B3GALT1: variants seen among roughly 807,000 people sequenced by gnomAD.
The protein encoded by B3GALT1 is beta-1,3-galactosyltransferase 1, also known as UDP-Gal:betaGlcNAc beta 1,3-galactosyltransferase, polypeptide 1.
B3GALT1 carries 10 observed loss-of-function variants against 23.2 expected under a neutral mutation model. The ratio of observed to expected loss-of-function variants is 0.43; its 90% CI spans 0.27 to 0.73. The LOEUF (loss-of-function observed/expected upper bound fraction) is 0.73. B3GALT1 is among the 30% of genes least tolerant of loss of function. The pLI is 0.21. For synonymous variants in B3GALT1, 156 were observed against 141.5 expected (o/e 1.10, Z -0.73); for missense variants, 299 against 405.4 (o/e 0.74, Z 2.25).
At chr2:167,626,385 C>T (rs1685346853) in intron 2 of B3GALT1, among the ~76,000 whole-genome samples, 2 of 151,650 alleles carry the variant, frequency 1.3e-5, no homozygotes, top group East Asian at 2.0e-4. Context: ...TGTATTTACT[C>T]ATTTGCTCCA....
At chr2:167,663,166 G>A (rs2105474538) in intron 3 of B3GALT1, among the ~76,000 whole-genome samples, 1 of 132,890 alleles carries the variant, frequency 7.5e-6, no homozygotes, top group African/African-American at 2.9e-5. Context: ...GTGTCCATGT[G>A]TTCTCATTGT....
At chr2:167,434,499 T>A (rs186351424) in intron 1 of B3GALT1, among the ~76,000 whole-genome samples, 2 of 138,606 alleles carry the variant, frequency 1.4e-5, no homozygotes, top group African/African-American at 5.4e-5. Context: ...CTTCAATATA[T>A]CTCTCTAAAA....
chr2:167,686,390 C>T lies in B3GALT1; in HGVS notation c.-352+39424C>T, dbSNP rs75331912. ...GAATGAAACATAATCTTAGAAAATTCGGCAATGCTTATTCATTCACGTGTA... is the reference window on the plus strand; with the variant it reads ...GAATGAAACATAATCTTAGAAAATTTGGCAATGCTTATTCATTCACGTGTA... On this transcript the variant is annotated intron_variant, in intron 3 of 4. Coordinates refer to ENST00000392690, the MANE Select transcript of B3GALT1 (RefSeq NM_020981.4). Among the ~76,000 whole-genome samples, 120 of 152,196 alleles carry T rather than the reference C, an allele frequency of 7.9e-4. 2 individuals carry two copies. In the East Asian group the frequency reaches 0.022, roughly 28 times the overall value.
intron 3 of B3GALT1, among the ~76,000 whole-genome samples, chr2:167,772,008 T>G (rs1214685059): frequency 6.6e-6 from 1 of 152,204 alleles, no homozygotes; most frequent in African/African-American, 2.4e-5. Context: ...GCATTTTATT[T>G]TAAAATACCA....
chr2:167,374,079 C>A (rs1032516357), intron 1 of B3GALT1, among the ~76,000 whole-genome samples: 1 of 152,304 alleles, frequency 6.6e-6, no homozygotes, highest in East Asian at 1.9e-4. Flanking sequence ...GAGTACCCAA[C>A]GTTTAGCTCT....
chr2:167,660,238 A>T (rs550258786), intron 3 of B3GALT1, among the ~76,000 whole-genome samples: 30 of 152,082 alleles, frequency 2.0e-4, no homozygotes, highest in Admixed American at 4.6e-4. Context: ...CCTGGAAGTT[A>T]TTATAGGAAG....
chr2:167,743,132 GC>G (rs1334656315), intron 3 of B3GALT1, among the ~76,000 whole-genome samples: 1 of 151,922 alleles, frequency 6.6e-6, no homozygotes, highest in Non-Finnish European at 1.5e-5. Context: ...TGTCTAACAT[GC>G]CAATGTGAAT....
At chr2:167,350,650 C>G (rs1697295364) in intron 1 of B3GALT1, among the ~76,000 whole-genome samples, 1 of 152,218 alleles carries the variant, frequency 6.6e-6, no homozygotes, top group African/African-American at 2.4e-5. Flanking sequence ...CCTTGGTCAT[C>G]TCCCAGGATT....
At chr2:167,579,636 C>T (rs1684449328) in intron 2 of B3GALT1, among the ~76,000 whole-genome samples, 1 of 151,918 alleles carries the variant, frequency 6.6e-6, no homozygotes, top group Admixed American at 6.6e-5. Context: ...TCTAAAGAGC[C>T]ATTTGATGCA....
chr2:167,608,801 T>C (rs974496895), intron 2 of B3GALT1, among the ~76,000 whole-genome samples: 1 of 152,102 alleles, frequency 6.6e-6, no homozygotes, highest in Non-Finnish European at 1.5e-5. Context: ...TTCCAATTGT[T>C]TTTGGTTTTA....
At chr2:167,852,058 C>T (rs1559003209) in intron 4 of B3GALT1, among the ~76,000 whole-genome samples, 1 of 152,256 alleles carries the variant, frequency 6.6e-6, no homozygotes, top group East Asian at 1.9e-4. Flanking sequence ...CTTGGAAGGG[C>T]AATTTTGGCA....
chr2:167,764,397 C>G (rs1001583372), intron 3 of B3GALT1, among the ~76,000 whole-genome samples: 1 of 152,114 alleles, frequency 6.6e-6, no homozygotes. Context: ...TTCTGCACAG[C>G]TGGGGAAAAG....
chr2:167,550,530 A>G (rs1313222218), intron 2 of B3GALT1, among the ~76,000 whole-genome samples: 1 of 152,226 alleles, frequency 6.6e-6, no homozygotes, highest in Non-Finnish European at 1.5e-5. Flanking sequence ...TTGATAAACC[A>G]GAGCTACTTT....
chr2:167,751,877 C>T (rs957521503), intron 3 of B3GALT1, among the ~76,000 whole-genome samples: 1 of 152,154 alleles, frequency 6.6e-6, no homozygotes, highest in Admixed American at 6.5e-5. Context: ...AGGAGATCTT[C>T]AAGACCTAGG....
intron 3 of B3GALT1, among the ~76,000 whole-genome samples, chr2:167,655,849 A>G (rs1000391337): frequency 2.6e-5 from 4 of 152,172 alleles, no homozygotes; most frequent in African/African-American, 9.7e-5. Flanking sequence ...GAGTTAGTCA[A>G]AAGACTTTTA....
intron 1 of B3GALT1, among the ~76,000 whole-genome samples, chr2:167,299,794 TTCTC>T (rs1338238681): frequency 1.3e-5 from 2 of 151,638 alleles, no homozygotes; most frequent in African/African-American, 4.8e-5. Flanking sequence ...GGTTCCTTCT[TTCTC>T]TCTTGGTCTC....
At chr2:167,652,045 C>G (rs993862181) in intron 3 of B3GALT1, among the ~76,000 whole-genome samples, 1 of 152,158 alleles carries the variant, frequency 6.6e-6, no homozygotes, top group African/African-American at 2.4e-5. Context: ...ACCAAACCCA[C>G]AAGAGCCACC....
At chr2:167,440,807 T>TG (rs1454337171) in intron 1 of B3GALT1, among the ~76,000 whole-genome samples, 1 of 152,158 alleles carries the variant, frequency 6.6e-6, no homozygotes, top group African/African-American at 2.4e-5. Context: ...TCCTTTACAT[T>TG]GTGTTCTAAG....
At chr2:167,605,818 A>G (rs1427024059) in intron 2 of B3GALT1, among the ~76,000 whole-genome samples, 2 of 152,208 alleles carry the variant, frequency 1.3e-5, no homozygotes, top group Non-Finnish European at 1.5e-5. Context: ...TAAACATTAT[A>G]TGCTCAGTTT....
Sources: allele counts gnomAD v4.1 joint callset (sites outside exome capture counted in the v4.1 genomes callset), GRCh38; gene constraint gnomAD v4.1.1; transcripts MANE v1.5; gene names NCBI Gene and HGNC (gene_info 2026-07-23, HGNC 2026-07-21).